EPB41L4A: variants seen among roughly 807,000 people sequenced by gnomAD.
EPB41L4A encodes erythrocyte membrane protein band 4.1 like 4A.
In EPB41L4A, 100 loss-of-function variants were observed where a neutral mutation model predicts 108.6. The ratio of observed to expected loss-of-function variants is 0.92; its 90% CI spans 0.78 to 1.09. The LOEUF (loss-of-function observed/expected upper bound fraction) is 1.09, where lower values mean the gene tolerates loss of function less well. EPB41L4A is among the 50% of genes least tolerant of loss of function. The pLI, the probability that EPB41L4A is intolerant of heterozygous loss-of-function variation, is 0.00. For synonymous variants in EPB41L4A, 319 were observed against 289.0 expected, an observed-to-expected ratio of 1.10 and a Z score of -1.05; for missense variants, 1,030 against 842.7, an observed-to-expected ratio of 1.22 and a Z score of -2.75.
At chr5:112,354,804 T>C (rs1160455247) in intron 1 of EPB41L4A, among the ~76,000 whole-genome samples, 1 of 152,236 alleles carries the variant, frequency 6.6e-6, no homozygotes, top group Non-Finnish European at 1.5e-5. Context: ...TTAATTGATG[T>C]TGTAGTCTTT....
intron 17 of EPB41L4A, among the ~76,000 whole-genome samples, chr5:112,186,165 G>C (rs762348757): frequency 6.6e-6 from 1 of 152,162 alleles, no homozygotes; most frequent in Non-Finnish European, 1.5e-5. Flanking sequence ...CCAGTTGATG[G>C]GCAGAACGAA....
rs994744635 is a variant in EPB41L4A, at chr5:112,367,506, G to T, written c.99+51435C>A. 2.0e-5 allele frequency among the ~76,000 whole-genome samples: 3 copies of T among 152,198 alleles called. No individual in the cohort carries two copies. The East Asian group carries it at 5.8e-4, about 29-fold the overall frequency. On this transcript the variant is annotated intron_variant, in intron 1 of 22. Coordinates refer to ENST00000261486, the MANE Select transcript of EPB41L4A (RefSeq NM_022140.5). ...GGAGGCCTCATCTCCTCTCCTTCCAGGTCTTGATGCTCTTGCCATCTTTAT... is the reference window on the plus strand; with the variant it reads ...GGAGGCCTCATCTCCTCTCCTTCCATGTCTTGATGCTCTTGCCATCTTTAT...
exon 14 of EPB41L4A, chr5:112,143,693 C>T (rs1759146002): frequency 3.9e-6 from 1 of 258,098 alleles, no homozygotes; most frequent in Non-Finnish European, 8.1e-6. Context: ...GTGCCAGGAA[C>T]ATAGAAGCAA....
rs964907347 is a variant in EPB41L4A, at chr5:112,194,372, T to C, written c.1502+196A>G. Among the ~76,000 whole-genome samples the C allele has an allele frequency of 2.0e-5, 3 of 152,128 alleles. No homozygotes were observed. The South Asian group carries it at 6.2e-4, about 32-fold the overall frequency. The stretch of plus-strand genomic sequence containing the variant: ...AGAAGGGACCTCATTGTCAAGTTGT[T>C]TAATCATCTTATTGTGAAGATAAGA... On this transcript the variant is annotated intron_variant, in intron 17 of 22. Transcript: ENST00000261486.
downstream of EPB41L4A, chr5:112,162,240 T>A (rs1046197965): frequency 6.6e-6 from 1 of 152,212 alleles, no homozygotes; most frequent in East Asian, 1.9e-4. Context: ...AGTACTGACA[T>A]AATTACCTGC....
At chr5:112,380,235 G>A (rs956666333) in intron 1 of EPB41L4A, among the ~76,000 whole-genome samples, 1 of 152,154 alleles carries the variant, frequency 6.6e-6, no homozygotes, top group African/African-American at 2.4e-5. Context: ...GTCAGATTTA[G>A]AAGGAACTGA....
intron 1 of EPB41L4A, among the ~76,000 whole-genome samples, chr5:112,402,259 T>C (rs1363169647): frequency 6.6e-6 from 1 of 152,058 alleles, no homozygotes; most frequent in African/African-American, 2.4e-5. Flanking sequence ...CCCCTCACCT[T>C]CCACCACGAT....
intron 9 of EPB41L4A, among the ~76,000 whole-genome samples, chr5:112,258,825 C>T (rs1379196298): frequency 6.6e-6 from 1 of 152,168 alleles, no homozygotes; most frequent in Non-Finnish European, 1.5e-5. Context: ...AGAAGTAAGA[C>T]TCCCAAAAGG....
At chr5:112,146,992 G>A (rs1004702024) in intron 12 of EPB41L4A, among the ~76,000 whole-genome samples, 2 of 152,182 alleles carry the variant, frequency 1.3e-5, no homozygotes, top group African/African-American at 2.4e-5. Flanking sequence ...TGGAAAATGT[G>A]GTGATTCTAC....
At chr5:112,403,914 T>C (rs978933800) in intron 1 of EPB41L4A, among the ~76,000 whole-genome samples, 7 of 151,988 alleles carry the variant, frequency 4.6e-5, no homozygotes, top group African/African-American at 1.7e-4. Context: ...AGCTACGACC[T>C]CCAAAAATTT....
chr5:112,234,960 C>A (rs1164862731), intron 11 of EPB41L4A, among the ~76,000 whole-genome samples: 1 of 152,034 alleles, frequency 6.6e-6, no homozygotes, highest in African/African-American at 2.4e-5. Context: ...GAAGGAAAAT[C>A]TTTCAGAGGA....
At chr5:112,366,533 G>C (rs1759132181) in intron 1 of EPB41L4A, among the ~76,000 whole-genome samples, 1 of 152,132 alleles carries the variant, frequency 6.6e-6, no homozygotes, top group Non-Finnish European at 1.5e-5. Context: ...AGGGAGACCA[G>C]TGATTGTGAA....
downstream of EPB41L4A, chr5:112,161,571 C>T: frequency 1.9e-6 from 1 of 519,214 alleles, no homozygotes; most frequent in Non-Finnish European, 3.8e-6. Context: ...CCTTTTCCTG[C>T]CCTTAAATTT....
At chr5:112,263,608 C>T (rs1019445251) in intron 6 of EPB41L4A, 1 of 152,132 alleles carries the variant, frequency 6.6e-6, no homozygotes, top group Non-Finnish European at 1.5e-5. Context: ...AATGTTATAA[C>T]AAGCACTCTC....
At chr5:112,414,726 G>C (rs990070627) in intron 1 of EPB41L4A, among the ~76,000 whole-genome samples, 1 of 152,158 alleles carries the variant, frequency 6.6e-6, no homozygotes, top group Non-Finnish European at 1.5e-5. Flanking sequence ...TTCAAGTCAT[G>C]GATGATAAAA....
At chr5:112,393,509 T>C (rs930950151) in intron 1 of EPB41L4A, among the ~76,000 whole-genome samples, 6 of 152,162 alleles carry the variant, frequency 3.9e-5, no homozygotes, top group Admixed American at 1.3e-4. Context: ...AATAAATCCC[T>C]GGACACATAC....
chr5:112,163,161 G>A lies in EPB41L4A; in HGVS notation c.*1829C>T, dbSNP rs1224806614. The A allele has an allele frequency of 6.6e-6, 1 of 152,198 alleles. No individual in the cohort carries two copies. The highest frequency in any genetic ancestry group is 1.5e-5 in the Non-Finnish European group (1 of 68,044). The allele number at this position is 152,198 out of a possible 1,614,324, so 9.4% of individuals were successfully genotyped here. ...GTTGTCTAGACAAGAGACCAGCTTGGACTAGTAAAATTAGTGAAATAAGAT... is the reference window on the plus strand; with the variant it reads ...GTTGTCTAGACAAGAGACCAGCTTGAACTAGTAAAATTAGTGAAATAAGAT... On this transcript the variant is annotated 3_prime_UTR_variant, in exon 23 of 23. Transcript: ENST00000261486.
intron 9 of EPB41L4A, among the ~76,000 whole-genome samples, chr5:112,246,257 T>C (rs1187095102): frequency 6.6e-6 from 1 of 152,196 alleles, no homozygotes; most frequent in African/African-American, 2.4e-5. Flanking sequence ...GGATCGCATA[T>C]ACAACAGCGG....
intron 1 of EPB41L4A, among the ~76,000 whole-genome samples, chr5:112,412,364 T>C (rs193291329): frequency 1.8e-3 from 279 of 152,336 alleles, no homozygotes; most frequent in Non-Finnish European, 3.2e-3. Flanking sequence ...TTGATGAATC[T>C]CTTTGCAAGA....
Sources: allele counts gnomAD v4.1 joint callset (sites outside exome capture counted in the v4.1 genomes callset), GRCh38; gene constraint gnomAD v4.1.1; transcripts MANE v1.5; gene names NCBI Gene and HGNC (gene_info 2026-07-23, HGNC 2026-07-21).